Variants in RIMBP2 observed in about 807,000 individuals in gnomAD.
The protein encoded by RIMBP2 is RIMS-binding protein 2.
In RIMBP2, 48 loss-of-function variants were observed where a neutral mutation model predicts 118.6. The observed-to-expected ratio is 0.40, with a 90% CI of 0.32 to 0.51. RIMBP2 has a LOEUF of 0.51. Ranked by LOEUF, RIMBP2 falls within the 20% of genes least tolerant of loss-of-function variation. The pLI is 0.41. For missense variants in RIMBP2, 1,551 were observed against 1,768.3 expected, an observed-to-expected ratio of 0.88 and a Z score of 2.20; for synonymous variants, 762 against 742.9, an observed-to-expected ratio of 1.03 and a Z score of -0.42.
At chr12:130,626,712 C>T (rs1566395965) in intron 2 of RIMBP2, among the ~76,000 whole-genome samples, 1 of 151,228 alleles carries the variant, frequency 6.6e-6, no homozygotes. Context: ...CATCACACCT[C>T]CTCCATCACC....
At chr12:130,491,159 C>T (rs2048604201) in intron 4 of RIMBP2, among the ~76,000 whole-genome samples, 1 of 152,220 alleles carries the variant, frequency 6.6e-6, no homozygotes, top group Non-Finnish European at 1.5e-5. Context: ...TCTAGAAGTA[C>T]TGTTATGCTA....
intron 21 of RIMBP2, among the ~76,000 whole-genome samples, chr12:130,402,661 A>C (rs761147824): frequency 2.0e-5 from 3 of 152,196 alleles, no homozygotes; most frequent in Non-Finnish European, 2.9e-5. Context: ...GCGGCCAAAC[A>C]GTAACTACCT....
chr12:130,488,243 G>A (rs753750511), intron 4 of RIMBP2, among the ~76,000 whole-genome samples: 5 of 152,208 alleles, frequency 3.3e-5, no homozygotes, highest in Middle Eastern at 3.4e-3. Flanking sequence ...TCACACTGGC[G>A]GAGTTAGTCA....
chr12:130,400,881 A>C (rs2074470909), intron 21 of RIMBP2, among the ~76,000 whole-genome samples: 1 of 152,250 alleles, frequency 6.6e-6, no homozygotes, highest in African/African-American at 2.4e-5. Flanking sequence ...AAAACCATGT[A>C]GTACCACCTC....
chr12:130,456,366 C>T, intron 7 of RIMBP2, 130 bp downstream of exon 7: 1 of 728,408 alleles, frequency 1.4e-6, no homozygotes, highest in Non-Finnish European at 2.2e-6. Flanking sequence ...TCATCCTTCC[C>T]ATTGCAGTGG....
chr12:130,447,851 G>A lies in RIMBP2; in HGVS notation c.581+2349C>T, dbSNP rs1593334123. On this transcript the variant is annotated intron_variant, in intron 9 of 22. Coordinates refer to ENST00000690449, the MANE Select transcript of RIMBP2 (RefSeq NM_001393629.1). This position sits in a 1 kb window ranked among gnomAD's most constrained non-coding sequence, Gnocchi z 4.4. ...GAGGCAGCCCCTGCATGGAGGGCGG[G>A]GAGAGGCCGCTCGGCACCCAGAGTG... is the stretch of plus-strand genomic sequence containing the variant. Among the ~76,000 whole-genome samples, 1 of 152,218 alleles carries A rather than the reference G, an allele frequency of 6.6e-6. No homozygotes were observed. The highest frequency in any genetic ancestry group is 1.5e-5 in the Non-Finnish European group (1 of 68,040).
chr12:130,494,785 T>A (rs1015711396), intron 4 of RIMBP2, among the ~76,000 whole-genome samples: 1 of 152,234 alleles, frequency 6.6e-6, no homozygotes. Context: ...CTTGGCCTTA[T>A]GTGGGAAAAG....
chr12:130,514,416 C>T (rs576777338), intron 3 of RIMBP2, among the ~76,000 whole-genome samples: 1 of 152,394 alleles, frequency 6.6e-6, no homozygotes, highest in Admixed American at 6.5e-5. Context: ...GAAAGGAGGC[C>T]TTTGCCTCTG....
chr12:130,401,480 T>G (rs2074561487), intron 21 of RIMBP2, among the ~76,000 whole-genome samples: 1 of 151,892 alleles, frequency 6.6e-6, no homozygotes, highest in South Asian at 2.1e-4. Context: ...CCCCACATAC[T>G]TCCTGCATCT....
intron 12 of RIMBP2, among the ~76,000 whole-genome samples, chr12:130,437,905 G>T (rs2077658980): frequency 6.6e-6 from 1 of 152,192 alleles, no homozygotes; most frequent in Non-Finnish European, 1.5e-5. Context: ...GCAGGGATAG[G>T]GGGCTGGTGT....
chr12:130,501,916 C>T (rs989389440), intron 4 of RIMBP2, among the ~76,000 whole-genome samples: 26 of 152,376 alleles, frequency 1.7e-4, no homozygotes, highest in African/African-American at 3.8e-4. Context: ...CTTGGCTCCT[C>T]ATAGCTGGAG....
In RIMBP2 at chr12:130,447,864, G is replaced by A. The variant is rs563459240; in HGVS notation, c.581+2336C>T. On this transcript the variant is annotated intron_variant, in intron 9 of 22. Transcript: ENST00000690449. The surrounding 1 kb of genome is among the most constrained non-coding windows in gnomAD (Gnocchi z 4.4). Reference sequence around the variant, plus strand: ...CATGGAGGGCGGGGAGAGGCCGCTCGGCACCCAGAGTGAGCGCCCAGGTGA... The same window carrying A: ...CATGGAGGGCGGGGAGAGGCCGCTCAGCACCCAGAGTGAGCGCCCAGGTGA... Among the ~76,000 whole-genome samples the A allele has an allele frequency of 3.7e-4, 56 of 152,264 alleles. No homozygotes were observed. Among genetic ancestry groups the A allele is most frequent in the African/African-American group, 1.3e-3 (53 of 41,556 alleles).
At chr12:130,553,161 AAAAAG>A (rs1337203662) in intron 2 of RIMBP2, among the ~76,000 whole-genome samples, 17 of 149,584 alleles carry the variant, frequency 1.1e-4, no homozygotes, top group African/African-American at 2.9e-4. Flanking sequence ...TCAAAAAAAA[AAAAAG>A]AAAAGAAAAG....
At chr12:130,539,166 T>C (rs895333744) in intron 2 of RIMBP2, among the ~76,000 whole-genome samples, 18 of 152,174 alleles carry the variant, frequency 1.2e-4, no homozygotes, top group Admixed American at 1.2e-3. Context: ...GGAGAATATA[T>C]ACATACATAT....
At position 130,436,866 on chromosome 12, in the gene RIMBP2, C is replaced by T. The variant is rs371599775; in HGVS notation, c.2082G>A (p.Ala694=). ...CCCTGCTGCTCTCGGCCACCCTCTG[C>T]GCGGCCTCCCGGGCCATGGCCTTGG... ...TVAKAMAREA[A]QRVAESSRLE... is the part of the protein sequence containing the mutation. The change falls in exon 13 of 23, where the codon GCG becomes GCA. Residue 694 remains alanine, a synonymous_variant. Transcript: ENST00000690449. 7.1e-5 allele frequency: 108 copies of T among 1,521,548 alleles called. No individual in the cohort carries two copies. Among genetic ancestry groups the T allele is most frequent in the Non-Finnish European group, 9.0e-5 (102 of 1,136,904 alleles). 94.3% of individuals were successfully genotyped at this position (1,521,548 alleles called of 1,614,324 possible).
intron 1 of RIMBP2, among the ~76,000 whole-genome samples, chr12:130,635,739 C>A (rs547316978): frequency 6.6e-6 from 1 of 152,162 alleles, no homozygotes; most frequent in Non-Finnish European, 1.5e-5. Context: ...TGCACAGGCC[C>A]AGATGGAAAG....
chr12:130,687,406 C>T (rs1481095526), intron 1 of RIMBP2, among the ~76,000 whole-genome samples: 2 of 152,136 alleles, frequency 1.3e-5, no homozygotes, highest in African/African-American at 2.4e-5. Context: ...GTTAACCAGT[C>T]GCCCACGCCC....
intron 2 of RIMBP2, among the ~76,000 whole-genome samples, chr12:130,624,201 A>C (rs1194724533): frequency 6.6e-6 from 1 of 152,266 alleles, no homozygotes; most frequent in Non-Finnish European, 1.5e-5. Flanking sequence ...ACTAATCTGC[A>C]GAAAAATATA....
intron 12 of RIMBP2, 30 bp downstream of exon 12, chr12:130,438,335 A>AGCGGGGGGGCGGGGCCC: frequency 1.2e-6 from 1 of 865,014 alleles, no homozygotes; most frequent in Admixed American, 1.8e-5. Flanking sequence ...GGCCTAACAA[A>AGCGGGGGGGCGGGGCCC]CCCTCCCCAC....
Sources: allele counts gnomAD v4.1 joint callset (sites outside exome capture counted in the v4.1 genomes callset), GRCh38; gene constraint gnomAD v4.1.1; non-coding constraint Gnocchi (gnomAD v3.1); transcripts MANE v1.5; gene names NCBI Gene and HGNC (gene_info 2026-07-23, HGNC 2026-07-21).